PTGER3: variants seen among roughly 807,000 people sequenced by gnomAD.
The protein encoded by PTGER3 is prostaglandin E receptor 3, also known as prostaglandin E2 receptor EP3 subtype.
In PTGER3, 22 loss-of-function variants were observed where a neutral mutation model predicts 34.7. The observed-to-expected ratio is 0.63, with a 90% CI of 0.45 to 0.91. The LOEUF is 0.91. Ranked by LOEUF, PTGER3 falls within the 40% of genes least tolerant of loss-of-function variation. The probability of loss-of-function intolerance (pLI) is 0.00; values close to 1 mark genes in which losing one functional copy is unlikely to be tolerated. For missense variants in PTGER3, 468 were observed against 519.4 expected, an observed-to-expected ratio of 0.90 and a Z score of 0.96; for synonymous variants, 241 against 230.1, an observed-to-expected ratio of 1.05 and a Z score of -0.43.
At chr1:70,987,377 C>T (rs1330316337) in intron 2 of PTGER3, among the ~76,000 whole-genome samples, 1 of 152,120 alleles carries the variant, frequency 6.6e-6, no homozygotes, top group East Asian at 1.9e-4. Flanking sequence ...GCAATTTTAT[C>T]TACAGTTTTT....
chr1:70,984,395 A>T (rs1017064348), intron 2 of PTGER3, among the ~76,000 whole-genome samples: 1 of 151,930 alleles, frequency 6.6e-6, no homozygotes, highest in South Asian at 2.1e-4. Flanking sequence ...TCAAAAAAAA[A>T]AAAAAAATTC....
At chr1:70,973,564 G>A (rs1464586994) in intron 3 of PTGER3, among the ~76,000 whole-genome samples, 3 of 152,084 alleles carry the variant, frequency 2.0e-5, no homozygotes, top group South Asian at 4.1e-4. Context: ...AGGGGTTACT[G>A]TACCTGACAT....
chr1:70,877,327 T>C (rs1415684133), intron 4 of PTGER3, among the ~76,000 whole-genome samples: 2 of 152,200 alleles, frequency 1.3e-5, no homozygotes, highest in Non-Finnish European at 2.9e-5. Context: ...TTGCTGAAGT[T>C]TTTTATCAGA....
chr1:70,990,374 CACACACACACACAT>C (rs1274135114), intron 2 of PTGER3, among the ~76,000 whole-genome samples: 2 of 106,692 alleles, frequency 1.9e-5, no homozygotes, highest in African/African-American at 6.3e-5. Flanking sequence ...CACACACACA[CACACACACACACAT>C]ATATATATAT....
At chr1:70,856,393 T>C (rs2100446092) in intron 4 of PTGER3, among the ~76,000 whole-genome samples, 1 of 149,634 alleles carries the variant, frequency 6.7e-6, no homozygotes, top group East Asian at 2.0e-4. Context: ...TGAGTCGATA[T>C]TGCACCATTG....
At chr1:70,996,651 A>ATTTG (rs909277357) in intron 2 of PTGER3, among the ~76,000 whole-genome samples, 1 of 137,142 alleles carries the variant, frequency 7.3e-6, no homozygotes, top group African/African-American at 2.8e-5. Flanking sequence ...TTATTTATTT[A>ATTTG]TTTATTTATT....
At chr1:70,881,169 C>A (rs1182667799) in intron 4 of PTGER3, among the ~76,000 whole-genome samples, 1 of 152,126 alleles carries the variant, frequency 6.6e-6, no homozygotes, top group Non-Finnish European at 1.5e-5. Flanking sequence ...ATCTCTCAAG[C>A]TCTGAGATTC....
intron 2 of PTGER3, among the ~76,000 whole-genome samples, chr1:70,996,732 C>A (rs972025094): frequency 1.3e-5 from 2 of 148,804 alleles, no homozygotes; most frequent in Non-Finnish European, 3.0e-5. Context: ...GGCGAGATCT[C>A]GGCTCACTGC....
intron 4 of PTGER3, among the ~76,000 whole-genome samples, chr1:70,896,364 G>A (rs1371460687): frequency 6.6e-6 from 1 of 152,162 alleles, no homozygotes; most frequent in Non-Finnish European, 1.5e-5. Flanking sequence ...ATACAAAGAG[G>A]AAGATGATGT....
At chr1:70,872,681 T>C (rs993737837) in intron 4 of PTGER3, among the ~76,000 whole-genome samples, 8 of 152,212 alleles carry the variant, frequency 5.3e-5, no homozygotes. Context: ...CTCCAATGTA[T>C]ATGAAATAGC....
At chr1:71,008,987 G>C in intron 2 of PTGER3, 2 of 983,222 alleles carry the variant, frequency 2.0e-6, no homozygotes, top group South Asian at 4.7e-5. Context: ...AAATTTCAAA[G>C]AACAAAAGTT....
In PTGER3 at chr1:71,040,392, A is replaced by G. The variant is rs563103794; in HGVS notation, c.897+6289T>C. On this transcript the variant is annotated intron_variant, in intron 1 of 3. Transcript: ENST00000306666. ...AGAGGCGAGAGGATCACAGGAGGAC[A>G]GGAGTTTGAGACCAAACTGCCCAAC... 3.3e-5 allele frequency among the ~76,000 whole-genome samples: 5 copies of G among 152,216 alleles called. No homozygotes were observed. The East Asian group carries it at 7.7e-4, about 24-fold the overall frequency.
chr1:70,959,826 G>A (rs1651739872), intron 2 of PTGER3, among the ~76,000 whole-genome samples: 1 of 152,008 alleles, frequency 6.6e-6, no homozygotes. Flanking sequence ...CTCCCTCTAT[G>A]AACCCTCCTT....
chr1:70,886,872 T>C (rs1646509423), intron 4 of PTGER3, among the ~76,000 whole-genome samples: 1 of 152,178 alleles, frequency 6.6e-6, no homozygotes, highest in Admixed American at 6.5e-5. Flanking sequence ...GAGCTGGTCC[T>C]TGGATCAAGG....
intron 1 of PTGER3, among the ~76,000 whole-genome samples, chr1:71,039,978 A>T (rs1433445695): frequency 6.6e-6 from 1 of 151,942 alleles, no homozygotes; most frequent in Non-Finnish European, 1.5e-5. Flanking sequence ...CACATATGTT[A>T]ATCTTGTTGG....
At chr1:70,964,400 G>C (rs1053075676) in intron 2 of PTGER3, among the ~76,000 whole-genome samples, 1 of 152,150 alleles carries the variant, frequency 6.6e-6, no homozygotes, top group African/African-American at 2.4e-5. Context: ...ATCTATAAAG[G>C]AAAGAGGTTC....
intron 2 of PTGER3, among the ~76,000 whole-genome samples, chr1:70,959,333 T>C (rs893723938): frequency 1.4e-5 from 2 of 147,148 alleles, no homozygotes; most frequent in African/African-American, 5.1e-5. Context: ...TATCTTTCAA[T>C]TTATTTGTGT....
rs558705048 is a variant in PTGER3, at chr1:70,884,020, A to G, written c.*24-31161T>C. 2.4e-5 allele frequency: 9 copies of G among 368,698 alleles called. 1 individual carries two copies. The highest frequency in any genetic ancestry group is 1.8e-4 in the South Asian group (9 of 49,956). The allele number at this position is 368,698 out of a possible 1,614,324, so 22.8% of individuals were successfully genotyped here. A position where few individuals can be genotyped will look rare whatever the true frequency, so the allele number is the denominator to read the frequency against. The stretch of plus-strand genomic sequence containing the variant: ...AAGATTGCAGTGAGTGGAGGAGGTG[A>G]AGGTTGCAGTGAGCGGAAATCACTC... On this transcript the variant is annotated intron_variant, in intron 4 of 4. Coordinates refer to the PTGER3 transcript ENST00000370931.
At chr1:71,029,570 T>A in intron 1 of PTGER3, among the ~76,000 whole-genome samples, 1 of 152,218 alleles carries the variant, frequency 6.6e-6, no homozygotes, top group East Asian at 1.9e-4. Context: ...TAATTATAAC[T>A]GTGCATAATT....
Sources: gnomAD v4.1 joint callset for allele counts (sites outside exome capture counted in the v4.1 genomes callset) on GRCh38, gnomAD v4.1.1 for gene constraint, MANE v1.5 for transcripts, NCBI Gene and HGNC (gene_info 2026-07-23, HGNC 2026-07-21) for gene names.